The following AKAP1 variants were observed in gnomAD, a reference collection of about 807,000 sequenced individuals.
The protein encoded by AKAP1 is A-kinase anchoring protein 1.
Under a neutral mutation model 79.8 loss-of-function variants are expected in AKAP1, and 32 were observed. The observed-to-expected ratio is 0.40, with a 90% confidence interval of 0.30 to 0.54. AKAP1 has a LOEUF of 0.54. Among genes scored for constraint, AKAP1 ranks in the 20% least tolerant of loss-of-function variants. The pLI is 0.47. For missense variants in AKAP1, 961 were observed against 1,138.9 expected (o/e 0.84, Z 2.25); for synonymous variants, 416 against 466.7 (o/e 0.89, Z 1.40).
At chr17:57,094,094 G>A (rs1169202698) in intron 1 of AKAP1, 1 of 150,902 alleles carries the variant, frequency 6.6e-6, no homozygotes, top group East Asian at 1.9e-4. Flanking sequence ...TTAATTTTCT[G>A]TCTCTCTCAC....
intron 1 of AKAP1, among the ~76,000 whole-genome samples, chr17:57,102,953 G>A (rs147457528): frequency 5.9e-5 from 9 of 152,084 alleles, no homozygotes; most frequent in African/African-American, 1.9e-4. Context: ...GGTGGTGGGC[G>A]CCTGTAGACC....
In AKAP1 at chr17:57,106,784, G is replaced by A. The variant is rs1383505229; in HGVS notation, c.1320G>A (p.Lys440=). ...PPPKTYVSCL[K]SLLSSPTKDS... ...CAAAGACCTACGTGAGCTGCCTGAAGAGCCTTCTGTCCAGCCCCACCAAGG... is the reference window on the plus strand; with the variant it reads ...CAAAGACCTACGTGAGCTGCCTGAAAAGCCTTCTGTCCAGCCCCACCAAGG... The change falls in exon 2 of 11, where the codon AAG becomes AAA. Residue 440 remains lysine, a synonymous_variant. Transcript: ENST00000337714. 6.2e-7 allele frequency: 1 copy of A among 1,614,136 alleles called. No homozygotes were observed.
intron 1 of AKAP1, 87 bp from the exon 2 acceptor site, chr17:57,105,354 C>T: frequency 1.5e-6 from 2 of 1,308,988 alleles, no homozygotes; most frequent in South Asian, 1.2e-5. Context: ...CAGCTCTACC[C>T]TGTTGACTGT....
chr17:57,106,720 T>G lies in AKAP1; in HGVS notation c.1256T>G (p.Leu419Arg). ...EAAVAPPDAG[L>R]PLPGLPAEGS... ...GCTGTTGCCCCGCCGGATGCTGGCC[T>G]CCCCTTGCCAGGCCTACCAGCAGAG... The change falls in exon 2 of 11, where the codon CTC (leucine) becomes CGC (arginine). Residue 419 changes from leucine to arginine, a missense_variant. Coordinates refer to ENST00000337714, the MANE Select transcript of AKAP1 (RefSeq NM_003488.4). 6.2e-7 allele frequency: 1 copy of G among 1,613,898 alleles called. No individual in the cohort carries two copies. Among genetic ancestry groups the G allele is most frequent in the Middle Eastern group, 1.6e-4 (1 of 6,062 alleles).
chr17:57,097,293 A>T (rs1299711567), intron 1 of AKAP1, among the ~76,000 whole-genome samples: 1 of 151,770 alleles, frequency 6.6e-6, no homozygotes, highest in African/African-American at 2.4e-5. Context: ...CTTGTGGCGC[A>T]GGGGTGTGTG....
In AKAP1 at chr17:57,109,449, T is replaced by C. The variant is rs180821406; in HGVS notation, c.1715-576T>C. ...GGAGACTCTCCTTTTTTAGTCCACATATGGCAGAGGAACGAGCGGGTCCCC... is the reference window on the plus strand; with the variant it reads ...GGAGACTCTCCTTTTTTAGTCCACACATGGCAGAGGAACGAGCGGGTCCCC... On this transcript the variant is annotated intron_variant, in intron 2 of 10. Coordinates refer to ENST00000337714, the MANE Select transcript of AKAP1 (RefSeq NM_003488.4). Among the ~76,000 whole-genome samples, 65 of 152,300 alleles carry C rather than the reference T, an allele frequency of 4.3e-4. No homozygotes were observed. In the Middle Eastern group the frequency reaches 0.01, roughly 24 times the overall value.
chr17:57,098,144 T>C (rs1159760579), intron 1 of AKAP1, among the ~76,000 whole-genome samples: 1 of 152,246 alleles, frequency 6.6e-6, no homozygotes, highest in East Asian at 1.9e-4. Context: ...AGTGAGCAGA[T>C]GAATGCTGAG....
chr17:57,102,086 C>T (rs957940197), intron 1 of AKAP1, among the ~76,000 whole-genome samples: 2 of 152,028 alleles, frequency 1.3e-5, no homozygotes, highest in Non-Finnish European at 2.9e-5. Flanking sequence ...TGCAGAGGTA[C>T]GTGGGTTAAA....
At chr17:57,107,944 A>C in intron 2 of AKAP1, 1 of 1,289,468 alleles carries the variant, frequency 7.8e-7, no homozygotes. Flanking sequence ...CTTTCTGTGC[A>C]GTTGCAGCTC....
At chr17:57,118,736 G>A (rs976273664) in intron 9 of AKAP1, among the ~76,000 whole-genome samples, 10 of 152,144 alleles carry the variant, frequency 6.6e-5, no homozygotes, top group African/African-American at 1.9e-4. Flanking sequence ...GAAGAGGCAC[G>A]TCTTACATGA....
At position 57,107,161 on chromosome 17, in the gene AKAP1, A is replaced by T; in HGVS notation, c.1697A>T (p.Glu566Val). ...GAEDGWTMDAEADHSGGSDRN... is the reference protein window; with the variant it reads ...GAEDGWTMDAVADHSGGSDRN... ...GAGGATGGATGGACCATGGATGCGGAAGCAGATCATTCAGGAGGTAGGAGG... is the reference window on the plus strand; with the variant it reads ...GAGGATGGATGGACCATGGATGCGGTAGCAGATCATTCAGGAGGTAGGAGG... Residue 566 changes from glutamate (E) to valine (V), a missense_variant, in exon 2 of 11, where the codon GAA becomes GTA. Coordinates refer to ENST00000337714, the MANE Select transcript of AKAP1 (RefSeq NM_003488.4). 1 of 1,606,864 alleles carries T rather than the reference A, an allele frequency of 6.2e-7. No homozygotes were observed. The highest frequency in any genetic ancestry group is 8.5e-7 in the Non-Finnish European group (1 of 1,174,732).
intron 7 of AKAP1, 103 bp downstream of exon 7, chr17:57,116,364 T>C: frequency 7.0e-7 from 1 of 1,422,372 alleles, no homozygotes; most frequent in Non-Finnish European, 9.8e-7. Context: ...GAGGGTTACT[T>C]CTTCCCTCCT....
chr17:57,118,368 T>A lies in AKAP1; in HGVS notation c.2501-13T>A, dbSNP rs746995273. 1.9e-6 allele frequency: 3 copies of A among 1,613,666 alleles called. No homozygotes were observed. The African/African-American group carries it at 4.0e-5, about 22-fold the overall frequency. On this transcript the variant is annotated splice_polypyrimidine_tract_variant and intron_variant, in intron 8 of 10. Transcript: ENST00000337714. Reference sequence around the variant, plus strand: ...TGAGAGCCTAAATGCCGCTTTTCCTTTTCCTCCTGAAGACGATGACCAGTT... The same window carrying A: ...TGAGAGCCTAAATGCCGCTTTTCCTATTCCTCCTGAAGACGATGACCAGTT...
intron 2 of AKAP1, among the ~76,000 whole-genome samples, chr17:57,108,723 G>A (rs1344570009): frequency 1.3e-5 from 2 of 152,168 alleles, no homozygotes; most frequent in Non-Finnish European, 2.9e-5. Flanking sequence ...TTGAAGCTGA[G>A]AAGGGGACCA....
At chr17:57,098,984 G>T (rs1914309559) in intron 1 of AKAP1, among the ~76,000 whole-genome samples, 1 of 151,444 alleles carries the variant, frequency 6.6e-6, no homozygotes, top group Admixed American at 6.6e-5. Flanking sequence ...TAGCCAGGAT[G>T]GTCTTGATCT....
At chr17:57,118,957 T>A (rs2144793136) in intron 9 of AKAP1, 25 bp from the exon 10 acceptor site, 1 of 1,611,746 alleles carries the variant, frequency 6.2e-7, no homozygotes, top group South Asian at 1.1e-5. Flanking sequence ...CTAACCATAT[T>A]ATTCTTTCCA....
rs1915858144 is a variant in AKAP1, at chr17:57,120,407, AC to A, written c.*84del. On this transcript the variant is annotated 3_prime_UTR_variant, in exon 11 of 11. Coordinates refer to ENST00000337714, the MANE Select transcript of AKAP1 (RefSeq NM_003488.4). ...CAAGTCAAAGATGAACATCGGAATA[AC>A]AAACATTGTCCTCTCCAGAAAGTCC... The A allele has an allele frequency of 2.4e-6, 3 of 1,233,922 alleles. No individual in the cohort carries two copies. In the Admixed American group the frequency reaches 6.0e-5, roughly 25 times the overall value. 76.4% of individuals were successfully genotyped at this position (1,233,922 alleles called of 1,614,324 possible).
rs546795253 is a variant in AKAP1 at position 57,106,757 on chromosome 17, A to G, written c.1293A>G (p.Pro431=). The G allele has an allele frequency of 6.2e-7, 1 of 1,613,980 alleles. No individual in the cohort carries two copies. The highest frequency in any genetic ancestry group is 2.2e-5 in the East Asian group (1 of 44,876). ...GCCTACCAGCAGAGGGCTCACCACC[A>G]CCAAAGACCTACGTGAGCTGCCTGA... ...LPGLPAEGSP[P]PKTYVSCLKS... is the part of the protein sequence containing the mutation. Residue 431 remains proline, a synonymous_variant, in exon 2 of 11, where the codon CCA becomes CCG. Coordinates refer to ENST00000337714, the MANE Select transcript of AKAP1 (RefSeq NM_003488.4).
In AKAP1 at chr17:57,110,009, G is replaced by C; in HGVS notation, c.1715-16G>C. On this transcript the variant is annotated splice_polypyrimidine_tract_variant and intron_variant, in intron 2 of 10. Transcript: ENST00000337714. ...GGGTCTGTGTGTGTGCGTGCCTGCT[G>C]CTTCTTCCCCTGCAGGTTCTGACAG... is the stretch of plus-strand genomic sequence containing the variant. 6.2e-7 allele frequency: 1 copy of C among 1,613,334 alleles called. No homozygotes were observed. The highest frequency in any genetic ancestry group is 1.1e-5 in the South Asian group (1 of 90,984).
Sources: gnomAD v4.1 joint callset for allele counts (sites outside exome capture counted in the v4.1 genomes callset) on GRCh38, gnomAD v4.1.1 for gene constraint, MANE v1.5 for transcripts, NCBI Gene and HGNC (gene_info 2026-07-23, HGNC 2026-07-21) for gene names.